The following NRXN1 variants were observed in gnomAD, a reference collection of about 807,000 sequenced individuals.
NRXN1 encodes neurexin 1, also known as neurexin-1.
In NRXN1, 39 loss-of-function variants were observed where a neutral mutation model predicts 150.9. That is an observed-to-expected ratio of 0.26 (90% confidence interval 0.20 to 0.34). The LOEUF (loss-of-function observed/expected upper bound fraction) is 0.34. NRXN1 is among the 10% of genes least tolerant of loss of function. NRXN1 has a pLI of 1.00. For missense variants in NRXN1, 1,815 were observed against 1,949.9 expected (o/e 0.93, Z 1.30); for synonymous variants, 924 against 757.0 (o/e 1.22, Z -3.62).
At position 50,013,106 on chromosome 2, in the gene NRXN1, T is replaced by C. The variant is rs542094257; in HGVS notation, c.4128+40165A>G. Among the ~76,000 whole-genome samples, 8 of 152,240 alleles carry C rather than the reference T, an allele frequency of 5.3e-5. No individual in the cohort carries two copies. In the East Asian group the frequency reaches 7.7e-4, roughly 15 times the overall value. Reference sequence around the variant, plus strand: ...CTCTACTAACAGTCACTCAAGATCATGATTTAATCATTTCATGTCCAATAA... The same window carrying C: ...CTCTACTAACAGTCACTCAAGATCACGATTTAATCATTTCATGTCCAATAA... On this transcript the variant is annotated intron_variant, in intron 21 of 22. Transcript: ENST00000401669.
intron 17 of NRXN1, among the ~76,000 whole-genome samples, chr2:50,457,631 T>C (rs185720035): frequency 1.1e-4 from 16 of 152,034 alleles, no homozygotes; most frequent in African/African-American, 3.9e-4. Context: ...TTATAACAAA[T>C]AATTGAATTT....
At chr2:50,320,305 T>C (rs1399665152) in intron 17 of NRXN1, among the ~76,000 whole-genome samples, 3 of 121,412 alleles carry the variant, frequency 2.5e-5, no homozygotes, top group African/African-American at 6.5e-5. Flanking sequence ...TATATATATA[T>C]ATATATATAT....
chr2:50,639,108 G>C (rs1683667656), intron 5 of NRXN1, among the ~76,000 whole-genome samples: 1 of 151,920 alleles, frequency 6.6e-6, no homozygotes, highest in Admixed American at 6.6e-5. Context: ...ACTTGGCAAA[G>C]ACCACTCAGC....
chr2:50,985,419 G>A (rs1027109491), intron 2 of NRXN1: 16 of 151,784 alleles, frequency 1.1e-4, no homozygotes, highest in African/African-American at 2.9e-4. Flanking sequence ...TATCTTCAAC[G>A]TCGGTTAATA....
chr2:50,020,634 A>G (rs976908519), intron 21 of NRXN1, among the ~76,000 whole-genome samples: 1 of 152,200 alleles, frequency 6.6e-6, no homozygotes, highest in African/African-American at 2.4e-5. Context: ...GCTCTGTTTC[A>G]CTTCTCAGGA....
Position 51,027,799 on chromosome 2 carries a change from G to A in NRXN1, c.475C>T (p.Pro159Ser), listed in dbSNP as rs770277678. ...VFSGLFVGGL[P>S]PELRAAALKL... ...AGCGCCGCGGCGCGCAGTTCCGGGG[G>A]CAGCCCCCCGACGAAAAGGCCGCTG... Residue 159 changes from proline to serine, a missense_variant, in exon 2 of 23, where the codon CCC becomes TCC. By Grantham distance (74) the Pro-to-Ser change is moderately conservative. Coordinates refer to ENST00000401669, the MANE Select transcript of NRXN1 (RefSeq NM_001330078.2). The A allele has an allele frequency of 1.1e-5, 17 of 1,613,040 alleles. No homozygotes were observed. The East Asian group carries it at 2.7e-4, about 25-fold the overall frequency.
intron 5 of NRXN1, among the ~76,000 whole-genome samples, chr2:50,838,066 A>C (rs911495899): frequency 2.0e-5 from 3 of 152,296 alleles, no homozygotes; most frequent in Admixed American, 6.5e-5. Flanking sequence ...AGCAGAGAAC[A>C]AATGGCTGAA....
chr2:50,761,139 G>A lies in NRXN1; in HGVS notation c.833-137524C>T, dbSNP rs143704836. Among the ~76,000 whole-genome samples the A allele has an allele frequency of 1.4e-3, 212 of 151,978 alleles. 2 individuals are homozygous for A. The highest frequency in any genetic ancestry group is 4.6e-3 in the African/African-American group (192 of 41,518). The stretch of plus-strand genomic sequence containing the variant: ...CAAGGTTGAGTAGGCTACCATTCCC[G>A]TTTGGGCTTTCTAGCCCCTTTTTGG... On this transcript the variant is annotated intron_variant, in intron 5 of 22. Transcript: ENST00000401669.
intron 8 of NRXN1, among the ~76,000 whole-genome samples, chr2:50,569,807 G>T (rs1670393704): frequency 6.6e-6 from 1 of 152,116 alleles, no homozygotes; most frequent in South Asian, 2.1e-4. Context: ...TGGTATTCTT[G>T]TATCAGACAG....
In NRXN1 at chr2:50,456,391, T is replaced by C. The variant is rs368085561; in HGVS notation, c.3364+9051A>G. Among the ~76,000 whole-genome samples the C allele has an allele frequency of 9.9e-5, 15 of 152,208 alleles. No individual in the cohort carries two copies. In the East Asian group the frequency reaches 1.5e-3, roughly 16 times the overall value. On this transcript the variant is annotated intron_variant, in intron 17 of 22. Coordinates refer to ENST00000401669, the MANE Select transcript of NRXN1 (RefSeq NM_001330078.2). ...ATCTATAATACTCAGAGCTAACATA[T>C]CACCTTTGTGCTTTATGCTGCTATA...
At chr2:50,611,546 G>T (rs1678135974) in intron 8 of NRXN1, among the ~76,000 whole-genome samples, 1 of 152,170 alleles carries the variant, frequency 6.6e-6, no homozygotes. Context: ...CTATGGCAAG[G>T]TGCCTGGTTT....
At chr2:50,054,849 G>T in intron 20 of NRXN1, 106 bp downstream of exon 20, 2 of 711,116 alleles carry the variant, frequency 2.8e-6, no homozygotes. Flanking sequence ...TTTTAATTTA[G>T]TTTTACGGAA....
chr2:50,347,192 C>A lies in NRXN1; in HGVS notation c.3365-110222G>T. On this transcript the variant is annotated intron_variant, in intron 17 of 22. Transcript: ENST00000401669. This position sits in a 1 kb window ranked among gnomAD's most constrained non-coding sequence, Gnocchi z 4.9. The stretch of plus-strand genomic sequence containing the variant: ...GAATGCAGCTGGAGAGGGGCTTGTC[C>A]GGAAAGGCAGCCCCGGGAACAGCAA... The A allele has an allele frequency of 7.4e-7, 1 of 1,351,970 alleles. No homozygotes were observed. The highest frequency in any genetic ancestry group is 2.2e-5 in the Admixed American group (1 of 45,436). 83.7% of individuals were successfully genotyped at this position (1,351,970 alleles called of 1,614,324 possible). A position where few individuals can be genotyped will look rare whatever the true frequency, so the allele number is the denominator to read the frequency against.
At chr2:50,486,299 A>G (rs984527677) in intron 15 of NRXN1, among the ~76,000 whole-genome samples, 2 of 152,194 alleles carry the variant, frequency 1.3e-5, no homozygotes, top group Admixed American at 1.3e-4. Flanking sequence ...GTAATTTATT[A>G]TATCTTTGAA....
At chr2:50,477,403 G>A (rs748396507) in intron 15 of NRXN1, among the ~76,000 whole-genome samples, 4 of 152,182 alleles carry the variant, frequency 2.6e-5, no homozygotes, top group Admixed American at 6.5e-5. Flanking sequence ...ACATCCTAGA[G>A]GAATCCAGTG....
chr2:50,250,181 A>G (rs1316047730), intron 17 of NRXN1, among the ~76,000 whole-genome samples: 1 of 152,062 alleles, frequency 6.6e-6, no homozygotes, highest in Non-Finnish European at 1.5e-5. Flanking sequence ...CTGTCTCCCA[A>G]ATTAAGAATT....
intron 1 of NRXN1, among the ~76,000 whole-genome samples, chr2:51,030,736 A>T (rs376502010): frequency 6.6e-6 from 1 of 152,194 alleles, no homozygotes; most frequent in Non-Finnish European, 1.5e-5. Flanking sequence ...AATCATCTGA[A>T]ATAGCATATT....
At position 50,497,635 on chromosome 2, in the gene NRXN1, A is replaced by G. The variant is rs2091712945; in HGVS notation, c.2577T>C (p.Ser859=). The change falls in exon 14 of 23, where the codon TCT becomes TCC. Residue 859 remains serine, a synonymous_variant. Coordinates refer to ENST00000401669, the MANE Select transcript of NRXN1 (RefSeq NM_001330078.2). ...TGIITERRYL[S]SVPSNFIGHL... is the part of the protein sequence containing the mutation. ...GTCCAATGAAGTTGGAGGGGACAGA[A>G]GAAAGATACCGTCGTTCTGTGATGA... The G allele has an allele frequency of 1.2e-6, 2 of 1,613,854 alleles. No individual in the cohort carries two copies. Among genetic ancestry groups the G allele is most frequent in the Non-Finnish European group, 1.7e-6 (2 of 1,179,862 alleles).
intron 18 of NRXN1, among the ~76,000 whole-genome samples, chr2:50,180,857 G>A (rs1038402235): frequency 6.6e-6 from 1 of 151,812 alleles, no homozygotes; most frequent in Non-Finnish European, 1.5e-5. Context: ...TTGTTGATGT[G>A]GTAAATTGAA....
Sources: gnomAD v4.1 joint callset for allele counts (sites outside exome capture counted in the v4.1 genomes callset) on GRCh38, gnomAD v4.1.1 for gene constraint, Gnocchi (gnomAD v3.1) non-coding constraint, MANE v1.5 for transcripts, NCBI Gene and HGNC (gene_info 2026-07-23, HGNC 2026-07-21) for gene names.